Variants in BPTF observed in about 807,000 individuals in gnomAD.
BPTF encodes nucleosome-remodeling factor subunit BPTF.
In BPTF, 18 loss-of-function variants were observed where a neutral mutation model predicts 292.5. The observed-to-expected ratio is 0.06, with a 90% CI of 0.04 to 0.09. The LOEUF (loss-of-function observed/expected upper bound fraction) is 0.09, where lower values mean the gene tolerates loss of function less well. Ranked by LOEUF, BPTF falls within the 10% of genes least tolerant of loss-of-function variation. The pLI is 1.00. For missense variants in BPTF, 2,726 were observed against 3,498.7 expected (o/e 0.78, Z 5.57); for synonymous variants, 1,225 against 1,251.9 (o/e 0.98, Z 0.45).
intron 11 of BPTF, among the ~76,000 whole-genome samples, chr17:67,915,696 A>G (rs1440195183): frequency 1.3e-5 from 2 of 151,736 alleles, no homozygotes; most frequent in African/African-American, 4.9e-5. Flanking sequence ...CATACTCTTA[A>G]CTTGTCCTTT....
At position 67,912,019 on chromosome 17, in the gene BPTF, A is replaced by G. The variant is rs750559960; in HGVS notation, c.4135A>G (p.Ile1379Val). The G allele has an allele frequency of 2.5e-6, 4 of 1,613,496 alleles. No individual in the cohort carries two copies. The highest frequency in any genetic ancestry group is 4.5e-5 in the East Asian group (2 of 44,872). The change falls in exon 11 of 28, where the codon ATA (isoleucine) becomes GTA (valine). Residue 1379 changes from isoleucine (I) to valine (V), a missense_variant. Ile to Val is a conservative substitution (Grantham distance 29, BLOSUM62 3). Around this residue, in one of 22 missense-constraint regions of BPTF, gnomAD observed 713 missense variants for 714.9 expected, o/e 1.00. Coordinates refer to ENST00000306378, the MANE Select transcript of BPTF (RefSeq NM_182641.4). The part of the protein sequence containing the change: ...ERPVNKCSDQ[I>V]KLKNTTDKKN... Reference sequence around the variant, plus strand: ...ACCAGTTAATAAATGTAGTGATCAAATAAAGCTAAAAAATACCACTGACAA... The same window carrying G: ...ACCAGTTAATAAATGTAGTGATCAAGTAAAGCTAAAAAATACCACTGACAA...
intron 2 of BPTF, among the ~76,000 whole-genome samples, chr17:67,865,941 T>C (rs2059368980): frequency 6.6e-6 from 1 of 152,164 alleles, no homozygotes; most frequent in South Asian, 2.1e-4. Flanking sequence ...CACCATTTTG[T>C]TAGAAATATT....
At chr17:67,941,865 A>G (rs1293311138) in intron 19 of BPTF, among the ~76,000 whole-genome samples, 2 of 152,250 alleles carry the variant, frequency 1.3e-5, no homozygotes, top group African/African-American at 4.8e-5. Context: ...AAATAAGAGT[A>G]AGAACCTCTG....
At chr17:67,979,842 A>G (rs1285698710) in intron 27 of BPTF, among the ~76,000 whole-genome samples, 1 of 151,990 alleles carries the variant, frequency 6.6e-6, no homozygotes, top group Non-Finnish European at 1.5e-5. Flanking sequence ...GGAGTTCAAG[A>G]CCAGCCTGGC....
At chr17:67,966,431 G>A (rs2068104382) in intron 25 of BPTF, 141 bp from the exon 26 acceptor site, 3 of 685,966 alleles carry the variant, frequency 4.4e-6, no homozygotes, top group Admixed American at 2.7e-5. Flanking sequence ...TATTACTAGA[G>A]CAGAAATCAC....
rs782714549 is a variant in BPTF at position 67,945,941 on chromosome 17, T to G, written c.7233T>G (p.Asn2411Lys). 5 of 1,614,138 alleles carry G rather than the reference T, an allele frequency of 3.1e-6. No homozygotes were observed. The highest frequency in any genetic ancestry group is 4.2e-6 in the Non-Finnish European group (5 of 1,180,028). Residue 2411 changes from asparagine to lysine, a missense_variant, in exon 21 of 28, where the codon AAT becomes AAG. Transcript: ENST00000306378. Reference protein sequence around the residue: ...TQTLSSGQTLNQVTVSSPSRP... With the variant: ...TQTLSSGQTLKQVTVSSPSRP... ...CTCTTTCATCAGGACAAACTTTAAA[T>G]CAAGTTACTGTTTCATCCCCATCCC...
chr17:67,932,601 C>G (rs1327306980), intron 18 of BPTF, among the ~76,000 whole-genome samples: 2 of 151,964 alleles, frequency 1.3e-5, no homozygotes, highest in South Asian at 2.1e-4. Flanking sequence ...CTTGGGAGGC[C>G]GAGGTGGAAG....
At chr17:67,868,193 G>C (rs755162613) in intron 3 of BPTF, among the ~76,000 whole-genome samples, 16 of 151,962 alleles carry the variant, frequency 1.1e-4, no homozygotes, top group Non-Finnish European at 2.1e-4. Flanking sequence ...TATCTCAAAA[G>C]TTTAAATAGT....
intron 27 of BPTF, among the ~76,000 whole-genome samples, chr17:67,976,711 A>T (rs113787521): frequency 0.24 from 3,870 of 15,826 alleles, 243 homozygotes; most frequent in Non-Finnish European, 0.33. Flanking sequence ...AAAAAAAAAA[A>T]AAAATAAGAA....
intron 27 of BPTF, chr17:67,977,814 A>G (rs1555694779): frequency 6.6e-6 from 1 of 150,460 alleles, no homozygotes; most frequent in African/African-American, 2.4e-5. Flanking sequence ...ACTGCACTCC[A>G]GCTTGGGCGA....
At chr17:67,943,527 G>C (rs945198198) in intron 19 of BPTF, among the ~76,000 whole-genome samples, 5 of 152,014 alleles carry the variant, frequency 3.3e-5, no homozygotes, top group Admixed American at 2.0e-4. Flanking sequence ...TCCTTACTTG[G>C]TGTTTGCATT....
rs959273326 is a variant in BPTF at position 67,854,816 on chromosome 17, C to T, written c.1436+54C>T. 158 of 1,302,160 alleles carry T rather than the reference C, an allele frequency of 1.2e-4. 1 individual carries two copies. The African/African-American group carries it at 2.0e-3, about 16-fold the overall frequency. 80.7% of individuals were successfully genotyped at this position (1,302,160 alleles called of 1,614,324 possible). On this transcript the variant is annotated intron_variant, in intron 2 of 27. Coordinates refer to ENST00000306378, the MANE Select transcript of BPTF (RefSeq NM_182641.4). The surrounding 1 kb of genome is among the most constrained non-coding windows in gnomAD (Gnocchi z 5.6). ...ATGCATTTAAAATTAGACTAGTTTC[C>T]TTCGTGATTGATGTAGCAGAGCTAT...
intron 11 of BPTF, among the ~76,000 whole-genome samples, chr17:67,917,595 T>G (rs2063127186): frequency 6.6e-6 from 1 of 151,846 alleles, no homozygotes; most frequent in Non-Finnish European, 1.5e-5. Flanking sequence ...CTTACTAGAT[T>G]TGTAAGATGT....
chr17:67,872,366 G>A (rs1315176028), intron 3 of BPTF, among the ~76,000 whole-genome samples: 2 of 152,130 alleles, frequency 1.3e-5, no homozygotes, highest in African/African-American at 4.8e-5. Context: ...ATGGCACTGG[G>A]AAAGTAGGGA....
chr17:67,831,452 A>G (rs977201383), intron 1 of BPTF, among the ~76,000 whole-genome samples: 3 of 152,212 alleles, frequency 2.0e-5, no homozygotes, highest in African/African-American at 7.2e-5. Flanking sequence ...TGTCCTAGGT[A>G]TGCATTAATA....
At chr17:67,928,657 A>G (rs2064115094) in intron 16 of BPTF, 56 bp downstream of exon 16, 1 of 1,513,320 alleles carries the variant, frequency 6.6e-7, no homozygotes, top group African/African-American at 1.4e-5. Flanking sequence ...AGAATTTTCA[A>G]CCCTTTAGCT....
rs1160989284 is a variant in BPTF, at chr17:67,982,572, CAAG to C, written c.*287_*289del. 9.8e-6 allele frequency: 3 copies of C among 304,764 alleles called. No individual in the cohort carries two copies. Among genetic ancestry groups the C allele is most frequent in the Non-Finnish European group, 1.8e-5 (3 of 165,844 alleles). The allele number at this position is 304,764 out of a possible 1,614,324, so 18.9% of individuals were successfully genotyped here. ...TATTGAAAAAAAAAGAAAAAGAAAG[CAAG>C]AAAAAAAGATACTATGGGGTCAAGT... On this transcript the variant is annotated 3_prime_UTR_variant, in exon 28 of 28. Transcript: ENST00000306378.
intron 23 of BPTF, among the ~76,000 whole-genome samples, chr17:67,954,348 T>C (rs782077818): frequency 5.2e-4 from 79 of 152,298 alleles, no homozygotes; most frequent in Non-Finnish European, 1.6e-4. Flanking sequence ...TGTCTTTTTT[T>C]CATATTACAT....
intron 1 of BPTF, among the ~76,000 whole-genome samples, chr17:67,843,530 C>T (rs2057746576): frequency 6.8e-6 from 1 of 147,510 alleles, no homozygotes; most frequent in Non-Finnish European, 1.5e-5. Context: ...AGATATATAT[C>T]TAGATATATA....
Sources: allele counts gnomAD v4.1 joint callset (sites outside exome capture counted in the v4.1 genomes callset), GRCh38; gene constraint gnomAD v4.1.1; regional missense constraint gnomAD v4.1.1; non-coding constraint Gnocchi (gnomAD v3.1); transcripts MANE v1.5; gene names NCBI Gene and HGNC (gene_info 2026-07-23, HGNC 2026-07-21).